DCDC2C: variants seen among roughly 807,000 people sequenced by gnomAD.
The protein encoded by DCDC2C is doublecortin domain containing 2C, also known as doublecortin domain-containing protein 2C.
A neutral mutation model predicts 45.0 loss-of-function variants in DCDC2C; 44 were observed. That is an observed-to-expected ratio of 0.98 (90% CI 0.77 to 1.26). The LOEUF (loss-of-function observed/expected upper bound fraction) is 1.26. DCDC2C is among the 50% of genes most tolerant of loss of function. The pLI is 0.00. For missense variants in DCDC2C, 447 were observed against 468.9 expected (o/e 0.95, Z 0.43); for synonymous variants, 187 against 178.8 (o/e 1.05, Z -0.37).
At chr2:3,772,480 T>G (rs1483020099) in intron 8 of DCDC2C, among the ~76,000 whole-genome samples, 1 of 152,196 alleles carries the variant, frequency 6.6e-6, no homozygotes, top group African/African-American at 2.4e-5. Flanking sequence ...CTTCTCCCAG[T>G]ACTTGTTAGT....
At chr2:3,772,033 T>A (rs943200244) in intron 8 of DCDC2C, among the ~76,000 whole-genome samples, 3 of 152,268 alleles carry the variant, frequency 2.0e-5, no homozygotes, top group Non-Finnish European at 4.4e-5. Context: ...TCTCACATGC[T>A]GTTTCTCATT....
intron 3 of DCDC2C, among the ~76,000 whole-genome samples, chr2:3,735,857 T>C (rs1392002418): frequency 6.6e-6 from 1 of 151,948 alleles, no homozygotes; most frequent in Non-Finnish European, 1.5e-5. Context: ...TCAGCTGATA[T>C]ATGTTTTTTC....
intron 10 of DCDC2C, among the ~76,000 whole-genome samples, chr2:3,841,209 G>A (rs1184782446): frequency 6.6e-6 from 1 of 152,114 alleles, no homozygotes; most frequent in South Asian, 2.1e-4. Flanking sequence ...AGTATCCTTA[G>A]GGGAGACATT....
At chr2:3,755,365 G>A (rs1669666653) in intron 6 of DCDC2C, among the ~76,000 whole-genome samples, 1 of 147,822 alleles carries the variant, frequency 6.8e-6, no homozygotes, top group Admixed American at 7.0e-5. Context: ...GTATGCATGT[G>A]TGTATGGGTG....
chr2:3,783,355 A>G (rs1670564539), intron 9 of DCDC2C, among the ~76,000 whole-genome samples: 1 of 151,996 alleles, frequency 6.6e-6, no homozygotes, highest in Non-Finnish European at 1.5e-5. Context: ...CTGCCTTTCC[A>G]GCTCTCACCC....
At chr2:3,752,098 G>A (rs531146463) in intron 4 of DCDC2C, among the ~76,000 whole-genome samples, 1 of 152,256 alleles carries the variant, frequency 6.6e-6, no homozygotes, top group South Asian at 2.1e-4. Flanking sequence ...CCTGCAGCTG[G>A]GTTCAGCCTT....
intron 10 of DCDC2C, among the ~76,000 whole-genome samples, chr2:3,844,929 TTTAAAAGCGAA>T (rs72466953): frequency 0.094 from 14,344 of 152,266 alleles, 1,102 homozygotes; most frequent in East Asian, 0.4. Context: ...GTTCTCCCTT[TTTAAAAGCGAA>T]TTAAGGCATA....
At chr2:3,718,445 G>GT (rs1029791828) in intron 2 of DCDC2C, among the ~76,000 whole-genome samples, 1 of 152,178 alleles carries the variant, frequency 6.6e-6, no homozygotes, top group African/African-American at 2.4e-5. Context: ...GAGTGCCTCT[G>GT]TGGGTGCATG....
intron 10 of DCDC2C, among the ~76,000 whole-genome samples, chr2:3,804,656 G>A (rs1186604848): frequency 1.3e-5 from 2 of 152,144 alleles, no homozygotes; most frequent in Admixed American, 1.3e-4. Context: ...CTATAGAAAA[G>A]GAAATGATTT....
intron 10 of DCDC2C, among the ~76,000 whole-genome samples, chr2:3,831,947 A>G (rs1210191528): frequency 6.6e-6 from 1 of 152,164 alleles, no homozygotes; most frequent in Non-Finnish European, 1.5e-5. Context: ...CCTCTTCTGG[A>G]CTTTCCTTGA....
intron 3 of DCDC2C, among the ~76,000 whole-genome samples, chr2:3,728,350 T>C (rs892692480): frequency 3.3e-5 from 5 of 152,244 alleles, no homozygotes; most frequent in African/African-American, 4.8e-5. Flanking sequence ...CCACTTTTCA[T>C]GTACCTAAGA....
At chr2:3,840,021 GAGA>G (rs1390635592) in intron 10 of DCDC2C, among the ~76,000 whole-genome samples, 6 of 152,098 alleles carry the variant, frequency 3.9e-5, no homozygotes, top group Admixed American at 2.6e-4. Context: ...AGAATTGTCG[GAGA>G]AGATGTTCAA....
At chr2:3,797,676 G>A (rs1031357933) in intron 10 of DCDC2C, among the ~76,000 whole-genome samples, 8 of 151,440 alleles carry the variant, frequency 5.3e-5, no homozygotes, top group East Asian at 1.9e-4. Context: ...GTAGTTGAGC[G>A]GTTTTGAGTG....
At chr2:3,785,637 G>T (rs540930236) in intron 10 of DCDC2C, among the ~76,000 whole-genome samples, 1 of 152,156 alleles carries the variant, frequency 6.6e-6, no homozygotes, top group Non-Finnish European at 1.5e-5. Flanking sequence ...CCCTAGAAGC[G>T]CTGCTCTCCC....
chr2:3,780,740 G>A (rs1670488095), intron 9 of DCDC2C, among the ~76,000 whole-genome samples: 2 of 152,274 alleles, frequency 1.3e-5, no homozygotes, highest in Admixed American at 6.5e-5. Context: ...CTGCACAGTC[G>A]ATCTTTAAGG....
At chr2:3,712,936 A>G (rs1415981976) in intron 2 of DCDC2C, among the ~76,000 whole-genome samples, 3 of 152,216 alleles carry the variant, frequency 2.0e-5, no homozygotes, top group Non-Finnish European at 4.4e-5. Context: ...TCACACCTAT[A>G]GTCTCATCTG....
intron 2 of DCDC2C, among the ~76,000 whole-genome samples, chr2:3,709,474 C>A (rs1572547830): frequency 1.3e-5 from 2 of 152,218 alleles, no homozygotes; most frequent in East Asian, 3.9e-4. Flanking sequence ...TTCACAGGCA[C>A]CAGCTTCCAG....
rs55636539 is a variant in DCDC2C, at chr2:3,755,034, G to C, written c.726+400G>C. ...AGGCAGATGTGACAGTAAGGCAGCAGTGGGAGAAGCAGCTCACTGCATGCA... is the reference window on the plus strand; with the variant it reads ...AGGCAGATGTGACAGTAAGGCAGCACTGGGAGAAGCAGCTCACTGCATGCA... On this transcript the variant is annotated intron_variant, in intron 6 of 10. Transcript: ENST00000399143. 2.3e-3 allele frequency among the ~76,000 whole-genome samples: 355 copies of C among 152,360 alleles called. 2 individuals carry two copies. Among genetic ancestry groups the C allele is most frequent in the Non-Finnish European group, 3.2e-3 (220 of 68,030 alleles).
In DCDC2C at chr2:3,847,161, G is replaced by A. The variant is rs187062262; in HGVS notation, c.1073G>A (p.Arg358Gln). The change falls in exon 11 of 11, where the codon CGG (arginine) becomes CAG (glutamine). Residue 358 changes from arginine (R) to glutamine (Q), a missense_variant. Coordinates refer to ENST00000399143, the MANE Select transcript of DCDC2C (RefSeq NM_001287444.2). ...LCEDVERKMA[R>Q]EWKPVD ...CTTTTCTATGTCTTCCAGATGGCCC[G>A]GGAGTGGAAACCTGTAGATTAACAA... is the stretch of plus-strand genomic sequence containing the variant. 3.9e-4 allele frequency: 484 copies of A among 1,231,614 alleles called. 1 individual carries two copies. In the African/African-American group the frequency reaches 6.4e-3, roughly 16 times the overall value. The allele number at this position is 1,231,614 out of a possible 1,614,324, so 76.3% of individuals were successfully genotyped here.
Sources: allele counts gnomAD v4.1 joint callset (sites outside exome capture counted in the v4.1 genomes callset), GRCh38; gene constraint gnomAD v4.1.1; transcripts MANE v1.5; gene names NCBI Gene and HGNC (gene_info 2026-07-23, HGNC 2026-07-21).